OPCML: variants seen among roughly 807,000 people sequenced by gnomAD.
The protein encoded by OPCML is opioid binding protein/cell adhesion molecule like, also known as opioid-binding protein/cell adhesion molecule.
In OPCML, 13 loss-of-function variants were observed where a neutral mutation model predicts 37.8. That is an observed-to-expected ratio of 0.34 (90% CI 0.22 to 0.55). OPCML has a LOEUF of 0.55. Ranked by LOEUF, OPCML falls within the 20% of genes least tolerant of loss-of-function variation. The probability of loss-of-function intolerance (pLI) is 0.91; values close to 1 mark genes in which losing one functional copy is unlikely to be tolerated. For missense variants in OPCML, 341 were observed against 435.6 expected (o/e 0.78, Z 1.93); for synonymous variants, 176 against 168.8 (o/e 1.04, Z -0.33).
At chr11:133,294,815 C>CTTTTTTTT (rs59382534) in intron 1 of OPCML, among the ~76,000 whole-genome samples, 230 of 56,420 alleles carry the variant, frequency 4.1e-3, no homozygotes, top group East Asian at 6.2e-3. Context: ...TTCTTTCTTT[C>CTTTTTTTT]TTTTTTTTTT....
chr11:132,934,228 G>C lies in OPCML; in HGVS notation c.146+8698C>G, dbSNP rs1465209858. The stretch of plus-strand genomic sequence containing the variant: ...ACTAGGCCAGTCAGAGCGGGGTTAA[G>C]GGCAGGCCTCGACCCTCAGAGAAGA... On this transcript the variant is annotated intron_variant, in intron 2 of 7. Coordinates refer to ENST00000524381, the MANE Select transcript of OPCML (RefSeq NM_001012393.5). Among the ~76,000 whole-genome samples the C allele has an allele frequency of 2.0e-5, 3 of 152,252 alleles. No individual in the cohort carries two copies. The East Asian group carries it at 5.8e-4, about 29-fold the overall frequency.
intron 2 of OPCML, among the ~76,000 whole-genome samples, chr11:132,922,801 A>T (rs1944851342): frequency 6.6e-6 from 1 of 152,172 alleles, no homozygotes; most frequent in Admixed American, 6.5e-5. Flanking sequence ...GGCTGCACAC[A>T]GTGGCTCACG....
intron 3 of OPCML, among the ~76,000 whole-genome samples, chr11:132,624,597 C>T (rs976253292): frequency 5.9e-5 from 9 of 152,012 alleles, no homozygotes; most frequent in Admixed American, 5.9e-4. Context: ...ACCCACTACA[C>T]CATGTTGATC....
intron 2 of OPCML, among the ~76,000 whole-genome samples, chr11:132,723,353 T>C (rs996071305): frequency 2.6e-5 from 4 of 152,214 alleles, no homozygotes; most frequent in Non-Finnish European, 5.9e-5. Context: ...GGTAAGAGCA[T>C]GGGCTTTGAG....
chr11:132,474,570 A>G (rs1191138007), intron 4 of OPCML, among the ~76,000 whole-genome samples: 1 of 152,058 alleles, frequency 6.6e-6, no homozygotes, highest in Non-Finnish European at 1.5e-5. Context: ...TGTTCTCAGA[A>G]TCTCAGGCCT....
chr11:133,266,657 C>G (rs183779199), intron 1 of OPCML, among the ~76,000 whole-genome samples: 1 of 152,218 alleles, frequency 6.6e-6, no homozygotes, highest in Admixed American at 6.5e-5. Flanking sequence ...TAGTTGGAGA[C>G]AATTCTTGTC....
chr11:133,015,423 GGAAGGAAT>G (rs879936288), intron 1 of OPCML, among the ~76,000 whole-genome samples: 4,070 of 89,700 alleles, frequency 0.045, 129 homozygotes, highest in African/African-American at 0.068. Flanking sequence ...AAGGAAGGAA[GGAAGGAAT>G]GAAGGAAGGA....
chr11:133,328,369 C>G (rs1259734099), intron 1 of OPCML, among the ~76,000 whole-genome samples: 2 of 151,934 alleles, frequency 1.3e-5, no homozygotes, highest in Non-Finnish European at 2.9e-5. Context: ...TGTTGGCCAG[C>G]GTGGTCTCGA....
chr11:133,325,967 C>T (rs1018725297), intron 1 of OPCML, among the ~76,000 whole-genome samples: 50 of 152,164 alleles, frequency 3.3e-4, no homozygotes, highest in Non-Finnish European at 1.9e-4. Flanking sequence ...AACGGAAGGC[C>T]TTGCTCTTGT....
At chr11:132,456,629 AC>A (rs1168267003) in intron 4 of OPCML, among the ~76,000 whole-genome samples, 1 of 152,198 alleles carries the variant, frequency 6.6e-6, no homozygotes, top group African/African-American at 2.4e-5. Flanking sequence ...GAGGGTGGGT[AC>A]CCAACTCTCT....
chr11:132,760,374 A>T (rs141108329), intron 2 of OPCML, among the ~76,000 whole-genome samples: 1 of 152,150 alleles, frequency 6.6e-6, no homozygotes, highest in African/African-American at 2.4e-5. Context: ...TGTCTCATTG[A>T]TCTGTCTAAT....
At chr11:133,149,584 G>T (rs567873445) in intron 1 of OPCML, among the ~76,000 whole-genome samples, 1 of 152,118 alleles carries the variant, frequency 6.6e-6, no homozygotes. Context: ...ACCCCCACCC[G>T]CACGCTTGAT....
chr11:132,574,140 G>C (rs1591571241), intron 3 of OPCML, among the ~76,000 whole-genome samples: 1 of 146,444 alleles, frequency 6.8e-6, no homozygotes, highest in East Asian at 1.9e-4. Flanking sequence ...GTTTAGTTAA[G>C]AATTTGTTAA....
chr11:133,305,187 A>G (rs1160083107), intron 1 of OPCML, among the ~76,000 whole-genome samples: 2 of 152,224 alleles, frequency 1.3e-5, no homozygotes, highest in East Asian at 1.9e-4. Context: ...AGTATTACAT[A>G]AGATAGCAGA....
intron 2 of OPCML, among the ~76,000 whole-genome samples, chr11:132,901,663 C>G (rs1361844380): frequency 6.6e-6 from 1 of 152,216 alleles, no homozygotes; most frequent in African/African-American, 2.4e-5. Context: ...CACCGTGCTT[C>G]TCCGAGATGG....
intron 1 of OPCML, among the ~76,000 whole-genome samples, chr11:133,495,403 C>T (rs957381451): frequency 7.9e-5 from 12 of 152,184 alleles, no homozygotes; most frequent in African/African-American, 2.9e-4. Context: ...ACTTCTTTTC[C>T]TCTGGGTAGA....
intron 4 of OPCML, among the ~76,000 whole-genome samples, chr11:132,521,170 A>T (rs1303284112): frequency 6.6e-6 from 1 of 152,126 alleles, no homozygotes; most frequent in Non-Finnish European, 1.5e-5. Context: ...GGCCACATAA[A>T]TGTCTTCTTT....
intron 1 of OPCML, among the ~76,000 whole-genome samples, chr11:132,945,488 G>A (rs557830850): frequency 6.0e-4 from 92 of 152,324 alleles, no homozygotes; most frequent in African/African-American, 2.2e-3. Flanking sequence ...TTGCAGAACT[G>A]GAAGTTGCTC....
intron 3 of OPCML, among the ~76,000 whole-genome samples, chr11:132,602,417 A>T (rs1007637760): frequency 1.3e-5 from 2 of 152,172 alleles, no homozygotes; most frequent in Non-Finnish European, 2.9e-5. Context: ...AATTCTAAAA[A>T]TAGCTTGGTT....
Sources: gnomAD v4.1 joint callset for allele counts (sites outside exome capture counted in the v4.1 genomes callset) on GRCh38, gnomAD v4.1.1 for gene constraint, MANE v1.5 for transcripts, NCBI Gene and HGNC (gene_info 2026-07-23, HGNC 2026-07-21) for gene names.